Variants in GSAP observed in about 807,000 individuals in gnomAD.
GSAP encodes gamma-secretase-activating protein.
Under a neutral mutation model 131.7 loss-of-function variants are expected in GSAP, and 118 were observed. That is an observed-to-expected ratio of 0.90 (90% CI 0.77 to 1.04). GSAP has a LOEUF of 1.04. Among genes scored for constraint, GSAP ranks in the 50% least tolerant of loss-of-function variants. The pLI, the probability that GSAP is intolerant of heterozygous loss-of-function variation, is 0.00. For synonymous variants in GSAP, 381 were observed against 363.4 expected (o/e 1.05, Z -0.55); for missense variants, 1,019 against 1,013.2 (o/e 1.01, Z -0.08).
intron 12 of GSAP, among the ~76,000 whole-genome samples, chr7:77,369,359 G>A (rs978497713): frequency 1.3e-5 from 2 of 152,172 alleles, no homozygotes; most frequent in African/African-American, 2.4e-5. Flanking sequence ...CAAGTGGCCT[G>A]ACAGCAGCAG....
At chr7:77,347,468 T>C (rs1759514657) in intron 19 of GSAP, among the ~76,000 whole-genome samples, 1 of 152,050 alleles carries the variant, frequency 6.6e-6, no homozygotes, top group African/African-American at 2.4e-5. Flanking sequence ...ACATGAAGAA[T>C]TCCCACACAT....
intron 23 of GSAP, among the ~76,000 whole-genome samples, chr7:77,324,207 C>T (rs558623561): frequency 2.3e-4 from 35 of 152,158 alleles, no homozygotes; most frequent in Non-Finnish European, 4.4e-4. Flanking sequence ...TAATCAGGTA[C>T]TTCCCTCTAC....
At chr7:77,321,437 C>G (rs1260468518) in intron 24 of GSAP, 34 bp from the exon 25 acceptor site, 6 of 1,385,470 alleles carry the variant, frequency 4.3e-6, no homozygotes. Context: ...AACCATTGCT[C>G]CATTCCTTCC....
At chr7:77,407,819 A>G (rs2151197349) in intron 1 of GSAP, among the ~76,000 whole-genome samples, 1 of 152,362 alleles carries the variant, frequency 6.6e-6, no homozygotes, top group South Asian at 2.1e-4. Flanking sequence ...AAGAATGTCT[A>G]TAGTACTGTG....
intron 9 of GSAP, 77 bp downstream of exon 9, chr7:77,377,209 C>T: frequency 8.1e-7 from 1 of 1,236,156 alleles, no homozygotes; most frequent in Non-Finnish European, 1.0e-6. Flanking sequence ...AGAGCAAGAC[C>T]CTGTCTCTAA....
At chr7:77,410,633 A>G (rs1403699885) in intron 1 of GSAP, among the ~76,000 whole-genome samples, 1 of 152,244 alleles carries the variant, frequency 6.6e-6, no homozygotes, top group Non-Finnish European at 1.5e-5. Flanking sequence ...GCTCTTGTAA[A>G]ACAAAAGCTG....
chr7:77,327,835 C>T (rs1035409043), intron 22 of GSAP, among the ~76,000 whole-genome samples: 2 of 152,124 alleles, frequency 1.3e-5, no homozygotes, highest in Admixed American at 6.5e-5. Context: ...CAGCCATCCC[C>T]GCTCCTAACC....
intron 24 of GSAP, among the ~76,000 whole-genome samples, chr7:77,322,153 C>T (rs542998778): frequency 2.0e-5 from 3 of 152,310 alleles, no homozygotes; most frequent in African/African-American, 7.2e-5. Flanking sequence ...CACAGGCAAA[C>T]GCTATCCTTG....
At chr7:77,393,481 G>C (rs1368294973) in intron 5 of GSAP, among the ~76,000 whole-genome samples, 1 of 151,796 alleles carries the variant, frequency 6.6e-6, no homozygotes, top group Non-Finnish European at 1.5e-5. Context: ...ATGTCTATTA[G>C]GCATGTCAAA....
At chr7:77,352,919 T>G in intron 18 of GSAP, 25 bp downstream of exon 18, 1 of 1,318,872 alleles carries the variant, frequency 7.6e-7, no homozygotes, top group African/African-American at 1.4e-5. Flanking sequence ...TTTATTTGCA[T>G]ACAGCATACA....
At chr7:77,333,643 C>A (rs747493921) in intron 19 of GSAP, among the ~76,000 whole-genome samples, 19 of 152,178 alleles carry the variant, frequency 1.2e-4, no homozygotes, top group Admixed American at 2.6e-4. Flanking sequence ...ATATAAATCA[C>A]CAGCTGTCTA....
chr7:77,382,519 A>T, intron 7 of GSAP, 55 bp downstream of exon 7: 1 of 904,132 alleles, frequency 1.1e-6, no homozygotes, highest in Non-Finnish European at 1.9e-6. Context: ...GTACCACACT[A>T]GGAGACGATA....
At position 77,349,400 on chromosome 7, in the gene GSAP, A is replaced by G; in HGVS notation, c.1496T>C (p.Ile499Thr). 1 of 1,612,518 alleles carries G rather than the reference A, an allele frequency of 6.2e-7. No homozygotes were observed. Among genetic ancestry groups the G allele is most frequent in the South Asian group, 1.1e-5 (1 of 91,056 alleles). The change falls in exon 19 of 31, where the codon ATT becomes ACT. Residue 499 changes from isoleucine to threonine, a missense_variant. Coordinates refer to ENST00000257626, the MANE Select transcript of GSAP (RefSeq NM_017439.4). ...TTCTGTCACAAGAGTTATTCCAGGA[A>G]TTTCCTATAGTGGGGAAAAACACAC... ...HSSVLTWNTE[I>T]PGITLVTEDI... is the part of the protein sequence containing the mutation.
chr7:77,322,480 G>C (rs1244925344), intron 24 of GSAP, among the ~76,000 whole-genome samples: 1 of 151,948 alleles, frequency 6.6e-6, no homozygotes, highest in Non-Finnish European at 1.5e-5. Context: ...GGAGAAAAAT[G>C]ACGCTTGAAT....
At chr7:77,351,686 C>A in intron 18 of GSAP, 6 of 985,862 alleles carry the variant, frequency 6.1e-6, no homozygotes, top group Non-Finnish European at 7.2e-6. Context: ...CCACCCTGCA[C>A]AATCTTGAGA....
At chr7:77,328,067 AG>A in intron 22 of GSAP, 1 of 293,774 alleles carries the variant, frequency 3.4e-6, no homozygotes, top group Non-Finnish European at 5.1e-6. Flanking sequence ...TGACTTGCCC[AG>A]GAGCACATGG....
chr7:77,384,959 G>A (rs1798343992), intron 6 of GSAP, among the ~76,000 whole-genome samples: 1 of 151,846 alleles, frequency 6.6e-6, no homozygotes, highest in Non-Finnish European at 1.5e-5. Flanking sequence ...CACAGAATTA[G>A]TACAAGTTTT....
intron 14 of GSAP, among the ~76,000 whole-genome samples, chr7:77,357,894 A>G (rs751643057): frequency 1.3e-4 from 20 of 152,240 alleles, no homozygotes; most frequent in African/African-American, 4.3e-4. Context: ...TAAGTTTGCC[A>G]TAATTTGTTA....
intron 12 of GSAP, among the ~76,000 whole-genome samples, chr7:77,369,051 C>T (rs1423989773): frequency 6.6e-6 from 1 of 152,148 alleles, no homozygotes; most frequent in Non-Finnish European, 1.5e-5. Context: ...GTTATTGGAG[C>T]AATTATTAAA....
Sources: allele counts gnomAD v4.1 joint callset (sites outside exome capture counted in the v4.1 genomes callset), GRCh38; gene constraint gnomAD v4.1.1; transcripts MANE v1.5; gene names NCBI Gene and HGNC (gene_info 2026-07-23, HGNC 2026-07-21).